XKR9: variants seen among roughly 807,000 people sequenced by gnomAD.
XKR9 encodes the protein XK related 9.
A neutral mutation model predicts 32.0 loss-of-function variants in XKR9; 32 were observed. That is an observed-to-expected ratio of 1.00 (90% CI 0.76 to 1.34). The LOEUF is 1.34. Among genes scored for constraint, XKR9 ranks in the 40% most tolerant of loss-of-function variants. The probability of loss-of-function intolerance (pLI) is 0.00; values close to 1 mark genes in which losing one functional copy is unlikely to be tolerated. For missense variants in XKR9, 546 were observed against 429.7 expected, an observed-to-expected ratio of 1.27 and a Z score of -2.39; for synonymous variants, 168 against 143.4, an observed-to-expected ratio of 1.17 and a Z score of -1.22.
intron 2 of XKR9, among the ~76,000 whole-genome samples, chr8:70,761,612 G>A (rs1241911177): frequency 6.6e-6 from 1 of 151,974 alleles, no homozygotes; most frequent in African/African-American, 2.4e-5. Context: ...TTTGTCAGAT[G>A]CAGTTCGCAA....
chr8:70,861,156 A>C, the XKR9 span, among the ~76,000 whole-genome samples: 1 of 152,086 alleles, frequency 6.6e-6, no homozygotes, highest in Non-Finnish European at 1.5e-5. Context: ...TGACATGATG[A>C]ATTTGAGATT....
the XKR9 span, among the ~76,000 whole-genome samples, chr8:70,798,187 CT>C: frequency 9.2e-4 from 139 of 151,130 alleles, no homozygotes; most frequent in African/African-American, 3.1e-3. Context: ...ATAAGTGTTC[CT>C]TTTTTTTTCT....
At chr8:70,992,131 T>G in the XKR9 span, among the ~76,000 whole-genome samples, 17 of 152,238 alleles carry the variant, frequency 1.1e-4, no homozygotes, top group African/African-American at 4.8e-5. Flanking sequence ...GCAAACTGCC[T>G]GTAACTTGTT....
chr8:70,698,261 T>C (rs1328682266), intron 3 of XKR9, among the ~76,000 whole-genome samples: 1 of 152,130 alleles, frequency 6.6e-6, no homozygotes, highest in Non-Finnish European at 1.5e-5. Context: ...TTTCTAGTTC[T>C]TTTAATTGTG....
In XKR9 at chr8:70,779,042, T is replaced by TG. The variant is rs1416276360; in HGVS notation, n.353-10296dup. 2.0e-5 allele frequency among the ~76,000 whole-genome samples: 3 copies of TG among 152,282 alleles called. No individual in the cohort carries two copies. The East Asian group carries it at 5.8e-4, about 29-fold the overall frequency. The stretch of plus-strand genomic sequence containing the variant: ...GTCTTGCACTGGTTTTCAAAGGGAA[T>TG]GTTTCCCGTTTTTGCCCATTCAGTA... On this transcript the variant is annotated intron_variant and non_coding_transcript_variant, in intron 2 of 3. Coordinates refer to the XKR9 transcript ENST00000520273.
the XKR9 span, among the ~76,000 whole-genome samples, chr8:70,861,257 C>A: frequency 6.6e-6 from 1 of 152,114 alleles, no homozygotes; most frequent in African/African-American, 2.4e-5. Flanking sequence ...TGGGTTTCCT[C>A]CACTCGGTAG....
At chr8:70,882,665 G>T in the XKR9 span, among the ~76,000 whole-genome samples, 1 of 151,876 alleles carries the variant, frequency 6.6e-6, no homozygotes, top group East Asian at 1.9e-4. Context: ...TCATATCTTT[G>T]TTTCCTTCCT....
chr8:70,733,697 T>C (rs1806748266), intron 4 of XKR9, 99 bp from the exon 5 acceptor site: 8 of 1,122,776 alleles, frequency 7.1e-6, no homozygotes, highest in Non-Finnish European at 7.1e-6. Flanking sequence ...GTGACGTGTT[T>C]GTGGGTGTGT....
the XKR9 span, among the ~76,000 whole-genome samples, chr8:71,046,023 A>G: frequency 6.6e-6 from 1 of 152,154 alleles, no homozygotes; most frequent in Non-Finnish European, 1.5e-5. Context: ...ATAAAACTAA[A>G]GAAGAAGCAG....
the XKR9 span, among the ~76,000 whole-genome samples, chr8:70,804,865 C>A: frequency 2.0e-5 from 3 of 152,164 alleles, no homozygotes; most frequent in South Asian, 6.2e-4. Flanking sequence ...AAAATCAATT[C>A]TAGTTTATAT....
the XKR9 span, among the ~76,000 whole-genome samples, chr8:71,021,084 T>C: frequency 6.6e-6 from 1 of 152,154 alleles, no homozygotes; most frequent in Non-Finnish European, 1.5e-5. Context: ...AGAGATCACA[T>C]GGTGAGAGAG....
the XKR9 span, among the ~76,000 whole-genome samples, chr8:70,941,422 G>C: frequency 6.6e-6 from 1 of 152,060 alleles, no homozygotes; most frequent in African/African-American, 2.4e-5. Context: ...GATAAAGCCA[G>C]GGTCTGGAGT....
chr8:70,905,779 A>G, the XKR9 span, among the ~76,000 whole-genome samples: 1 of 152,090 alleles, frequency 6.6e-6, no homozygotes, highest in African/African-American at 2.4e-5. Context: ...TTGGTCTTTG[A>G]CGATGGTGAC....
the XKR9 span, among the ~76,000 whole-genome samples, chr8:71,048,263 CTCTT>C: frequency 6.6e-6 from 1 of 152,198 alleles, no homozygotes; most frequent in African/African-American, 2.4e-5. Flanking sequence ...GTGCATTTCT[CTCTT>C]TCTCCCTCCT....
the XKR9 span, among the ~76,000 whole-genome samples, chr8:70,814,937 C>T: frequency 2.0e-5 from 3 of 152,166 alleles, no homozygotes; most frequent in Admixed American, 6.5e-5. Flanking sequence ...AGTAGCATTT[C>T]CATACATCAA....
chr8:71,040,975 C>CA, the XKR9 span, among the ~76,000 whole-genome samples: 1 of 152,116 alleles, frequency 6.6e-6, no homozygotes, highest in Admixed American at 6.5e-5. Context: ...TCTCTTGATA[C>CA]ATGTCAACTG....
intron 4 of XKR9, among the ~76,000 whole-genome samples, chr8:70,724,195 G>A (rs933050411): frequency 6.6e-6 from 1 of 152,056 alleles, no homozygotes; most frequent in African/African-American, 2.4e-5. Context: ...GGGGAAAGCC[G>A]CCTACTGAAG....
chr8:70,677,595 A>G (rs999331470), intron 2 of XKR9, among the ~76,000 whole-genome samples: 1 of 152,312 alleles, frequency 6.6e-6, no homozygotes, highest in Non-Finnish European at 1.5e-5. Context: ...CCTAAGTGTT[A>G]TACTCACACA....
chr8:70,917,823 T>C, the XKR9 span, among the ~76,000 whole-genome samples: 7 of 152,338 alleles, frequency 4.6e-5, no homozygotes, highest in African/African-American at 1.7e-4. Flanking sequence ...TTGAGCAAAT[T>C]ACATGTCTCT....
Sources: allele counts gnomAD v4.1 joint callset (sites outside exome capture counted in the v4.1 genomes callset), GRCh38; gene constraint gnomAD v4.1.1; transcripts MANE v1.5; gene names NCBI Gene and HGNC (gene_info 2026-07-23, HGNC 2026-07-21).